Variants in TCF7L1 observed in about 807,000 individuals in gnomAD.
TCF7L1 encodes the protein transcription factor 7 like 1, also known as transcription factor 7-like 1.
TCF7L1 carries 18 observed loss-of-function variants against 63.7 expected under a neutral mutation model. That is an observed-to-expected ratio of 0.28 (90% CI 0.20 to 0.42). TCF7L1 has a LOEUF of 0.42. TCF7L1 is among the 10% of genes least tolerant of loss of function. The pLI is 1.00. For synonymous variants in TCF7L1, 355 were observed against 340.9 expected, an observed-to-expected ratio of 1.04 and a Z score of -0.46; for missense variants, 654 against 779.3, an observed-to-expected ratio of 0.84 and a Z score of 1.91.
chr2:85,159,858 G>A (rs1460004624), intron 3 of TCF7L1, among the ~76,000 whole-genome samples: 3 of 152,124 alleles, frequency 2.0e-5, no homozygotes, highest in African/African-American at 7.2e-5. Context: ...TGTGCCAGGG[G>A]GACCCAGCTT....
chr2:85,249,575 G>T (rs1006274561), intron 3 of TCF7L1, among the ~76,000 whole-genome samples: 1 of 152,200 alleles, frequency 6.6e-6, no homozygotes, highest in Non-Finnish European at 1.5e-5. Flanking sequence ...GGTGACCCCA[G>T]TTGCCACTCA....
In TCF7L1 at chr2:85,309,254, C is replaced by G. The variant is rs370645264; in HGVS notation, c.1559C>G (p.Ala520Gly). The G allele has an allele frequency of 9.6e-5, 155 of 1,614,004 alleles. 3 individuals are homozygous for G. Among genetic ancestry groups the G allele is most frequent in the East Asian group, 7.4e-4 (33 of 44,878 alleles). The part of the protein sequence containing the change: ...ETRAQLALHS[A>G]AFLSAKAAAS... The stretch of plus-strand genomic sequence containing the variant: ...CGGGCCCAGCTGGCTCTCCACTCTG[C>G]CGCCTTCCTGTCGGCTAAGGCTGCA... Residue 520 changes from alanine to glycine, a missense_variant, in exon 12 of 12, where the codon GCC (alanine) becomes GGC (glycine). By Grantham distance (60) the Ala-to-Gly change is moderately conservative (BLOSUM62 0). Transcript: ENST00000282111.
intron 3 of TCF7L1, among the ~76,000 whole-genome samples, chr2:85,181,675 C>T (rs1678807800): frequency 6.6e-6 from 1 of 152,160 alleles, no homozygotes; most frequent in Non-Finnish European, 1.5e-5. Flanking sequence ...TGGGGCCAAA[C>T]TGCCCCAGCT....
intron 3 of TCF7L1, among the ~76,000 whole-genome samples, chr2:85,201,666 G>C (rs1558632128): frequency 1.3e-5 from 2 of 152,160 alleles, no homozygotes; most frequent in Admixed American, 1.3e-4. Flanking sequence ...TTAACCATTT[G>C]AGGAGCCGCC....
intron 3 of TCF7L1, among the ~76,000 whole-genome samples, chr2:85,279,323 G>A (rs2104364346): frequency 6.6e-6 from 1 of 152,332 alleles, no homozygotes; most frequent in East Asian, 1.9e-4. Context: ...CTTTGCGAGA[G>A]CAAGGCGGGA....
At chr2:85,216,270 C>G (rs1238526224) in intron 3 of TCF7L1, among the ~76,000 whole-genome samples, 1 of 152,160 alleles carries the variant, frequency 6.6e-6, no homozygotes, top group African/African-American at 2.4e-5. Context: ...CTTTTTTCCC[C>G]CCATCCCCCA....
chr2:85,198,570 G>A (rs1471272848), intron 3 of TCF7L1, among the ~76,000 whole-genome samples: 1 of 152,234 alleles, frequency 6.6e-6, no homozygotes, highest in Non-Finnish European at 1.5e-5. Context: ...TTTAGAAGTG[G>A]CTTTGGGGCT....
intron 3 of TCF7L1, among the ~76,000 whole-genome samples, chr2:85,263,993 C>T (rs918695950): frequency 1.3e-5 from 2 of 152,142 alleles, no homozygotes; most frequent in African/African-American, 4.8e-5. Context: ...GGGCCAGTGA[C>T]GTGGAAGGCA....
intron 3 of TCF7L1, among the ~76,000 whole-genome samples, chr2:85,247,160 G>A (rs1012256): frequency 0.22 from 34,092 of 152,064 alleles, 4,133 homozygotes; most frequent in Non-Finnish European, 0.28. Flanking sequence ...TTTTCTTAGA[G>A]AAACTGGTGA....
rs57902955 is a variant in TCF7L1, at chr2:85,180,961, G to A, written c.441+46511G>A. On this transcript the variant is annotated intron_variant, in intron 3 of 11. Coordinates refer to ENST00000282111, the MANE Select transcript of TCF7L1 (RefSeq NM_031283.3). ...CCTTCCTAAGGGCCCCTAACAGACG[G>A]TGGCCTTCCCCTGGCATCCAGAGTG... 9.1e-3 allele frequency among the ~76,000 whole-genome samples: 1,387 copies of A among 152,320 alleles called. 20 individuals are homozygous for A. The highest frequency in any genetic ancestry group is 0.031 in the African/African-American group (1,309 of 41,566).
chr2:85,184,460 C>T (rs1367165369), intron 3 of TCF7L1, among the ~76,000 whole-genome samples: 6 of 152,182 alleles, frequency 3.9e-5, no homozygotes, highest in Admixed American at 2.0e-4. Context: ...GGAGAATGAG[C>T]GGACAAGGAG....
At chr2:85,204,838 T>G (rs1292653709) in intron 3 of TCF7L1, 1 of 152,170 alleles carries the variant, frequency 6.6e-6, no homozygotes, top group Non-Finnish European at 1.5e-5. Flanking sequence ...TAAATTTTTT[T>G]TTTTAATAAG....
chr2:85,207,916 T>C (rs57015835), intron 3 of TCF7L1, among the ~76,000 whole-genome samples: 1 of 151,768 alleles, frequency 6.6e-6, no homozygotes. Context: ...GCATTTTTTT[T>C]GGGGGGCGGG....
rs371736821 is a variant in TCF7L1, at chr2:85,298,539, C to T, written c.526-3945C>T. Among the ~76,000 whole-genome samples, 11 of 150,190 alleles carry T rather than the reference C, an allele frequency of 7.3e-5. No individual in the cohort carries two copies. In the East Asian group the frequency reaches 2.1e-3, roughly 29 times the overall value. On this transcript the variant is annotated intron_variant, in intron 4 of 11. Transcript: ENST00000282111. ...AGGACACATGGCTTCCTAGGGAGACCAGAGTTTAAAGACCTTTGTCTTGTA... is the reference window on the plus strand; with the variant it reads ...AGGACACATGGCTTCCTAGGGAGACTAGAGTTTAAAGACCTTTGTCTTGTA...
At chr2:85,217,248 A>G (rs2104296596) in intron 3 of TCF7L1, 1 of 152,296 alleles carries the variant, frequency 6.6e-6, no homozygotes, top group East Asian at 1.9e-4. Flanking sequence ...AACTTTGATA[A>G]TTACAAACAC....
intron 3 of TCF7L1, among the ~76,000 whole-genome samples, chr2:85,191,641 G>A (rs1034075950): frequency 6.6e-6 from 1 of 152,076 alleles, no homozygotes; most frequent in Non-Finnish European, 1.5e-5. Context: ...CCTGATCAAC[G>A]TGGTGAAACT....
At chr2:85,228,174 CTT>C (rs1680000239) in intron 3 of TCF7L1, among the ~76,000 whole-genome samples, 1 of 151,984 alleles carries the variant, frequency 6.6e-6, no homozygotes, top group Non-Finnish European at 1.5e-5. Flanking sequence ...AATCCCAACA[CTT>C]TGAGAGGCCA....
chr2:85,247,464 C>T (rs955161934), intron 3 of TCF7L1, among the ~76,000 whole-genome samples: 2 of 152,202 alleles, frequency 1.3e-5, no homozygotes, highest in African/African-American at 2.4e-5. Context: ...TTTTGTTTTT[C>T]CTGCCCCAAG....
At chr2:85,258,299 C>T (rs1680770390) in intron 3 of TCF7L1, among the ~76,000 whole-genome samples, 1 of 152,162 alleles carries the variant, frequency 6.6e-6, no homozygotes, top group Non-Finnish European at 1.5e-5. Flanking sequence ...CCTTCCTGAC[C>T]AGGCCAGGAA....
Sources: allele counts gnomAD v4.1 joint callset (sites outside exome capture counted in the v4.1 genomes callset), GRCh38; gene constraint gnomAD v4.1.1; transcripts MANE v1.5; gene names NCBI Gene and HGNC (gene_info 2026-07-23, HGNC 2026-07-21).